The following SH3BP2 variants were observed in gnomAD, a reference collection of about 807,000 sequenced individuals.
SH3BP2 encodes SH3 domain-binding protein 2.
In SH3BP2, 38 loss-of-function variants were observed where a neutral mutation model predicts 56.2. The ratio of observed to expected loss-of-function variants is 0.68; its 90% CI spans 0.52 to 0.89. The LOEUF (loss-of-function observed/expected upper bound fraction) is 0.89. SH3BP2 is among the 40% of genes least tolerant of loss of function. The probability of loss-of-function intolerance (pLI) is 0.00; values close to 1 mark genes in which losing one functional copy is unlikely to be tolerated. For synonymous variants in SH3BP2, 346 were observed against 316.7 expected (o/e 1.09, Z -0.98); for missense variants, 748 against 762.6 (o/e 0.98, Z 0.23).
rs1018774300 is a variant in SH3BP2 at position 2,836,719 on chromosome 4, G to C, written c.*2885G>C. Reference sequence around the variant, plus strand: ...TCAACCAAGGGGGCCACAGCACTGGGGAGTGAAACTGCCCCGCCTCACCCT... The same window carrying C: ...TCAACCAAGGGGGCCACAGCACTGGCGAGTGAAACTGCCCCGCCTCACCCT... On this transcript the variant is annotated 3_prime_UTR_variant, in exon 13 of 13. Transcript: ENST00000503393. The C allele has an allele frequency of 2.0e-5, 3 of 152,320 alleles. No individual in the cohort carries two copies. Among genetic ancestry groups the C allele is most frequent in the South Asian group, 4.1e-4 (2 of 4,836 alleles). The allele number at this position is 152,320 out of a possible 1,614,324, so 9.4% of individuals were successfully genotyped here.
chr4:2,823,443 G>A (rs1263439467), intron 3 of SH3BP2: 3 of 459,844 alleles, frequency 6.5e-6, no homozygotes, highest in African/African-American at 6.0e-5. Context: ...CAGAGGCTGG[G>A]CCCTAGGATT....
In SH3BP2 at chr4:2,797,836, T is replaced by C. The variant is rs569934664; in HGVS notation, c.-5+4698T>C. The stretch of plus-strand genomic sequence containing the variant: ...GCCGGCTCTCCCAGCCTCCCACTCC[T>C]GGGCAGGGAAGTGGCGCGGGCAACG... On this transcript the variant is annotated intron_variant, in intron 1 of 12. Coordinates refer to ENST00000503393, the MANE Select transcript of SH3BP2 (RefSeq NM_001122681.2). Among the ~76,000 whole-genome samples the C allele has an allele frequency of 1.1e-4, 17 of 152,290 alleles. No homozygotes were observed. The East Asian group carries it at 3.3e-3, about 29-fold the overall frequency.
rs137947663 is a variant in SH3BP2 at position 2,831,660 on chromosome 4, C to T, written c.1331C>T (p.Ser444Leu). The T allele has an allele frequency of 3.6e-5, 57 of 1,589,464 alleles. No individual in the cohort carries two copies. The highest frequency in any genetic ancestry group is 1.8e-4 in the East Asian group (8 of 43,424). ...PSQADTGGDD[S>L]DEDYEKVPLP... is the part of the protein sequence containing the mutation. ...CAGGCTGACACTGGCGGGGACGACTCGGACGAGGACTATGAGAAGGCAAGG... is the reference window on the plus strand; with the variant it reads ...CAGGCTGACACTGGCGGGGACGACTTGGACGAGGACTATGAGAAGGCAAGG... The change falls in exon 9 of 13, where the codon TCG (serine) becomes TTG (leucine). Residue 444 changes from serine to leucine, a missense_variant. Transcript: ENST00000503393. This position sits in a 1 kb window ranked among gnomAD's most constrained non-coding sequence, Gnocchi z 4.1.
intron 1 of SH3BP2, among the ~76,000 whole-genome samples, chr4:2,804,075 G>A (rs987240936): frequency 2.6e-5 from 4 of 152,126 alleles, no homozygotes; most frequent in Non-Finnish European, 4.4e-5. Flanking sequence ...GACTCCAGCC[G>A]AGCCCACTGA....
intron 1 of SH3BP2, chr4:2,812,193 A>C: frequency 6.9e-7 from 1 of 1,448,426 alleles, no homozygotes; most frequent in Non-Finnish European, 9.1e-7. Flanking sequence ...AGGACCTCAC[A>C]GGGTAGAAGG....
In SH3BP2 at chr4:2,820,720, A is replaced by G; in HGVS notation, c.103A>G (p.Lys35Glu). 6.2e-7 allele frequency: 1 copy of G among 1,613,994 alleles called. No individual in the cohort carries two copies. The highest frequency in any genetic ancestry group is 8.5e-7 in the Non-Finnish European group (1 of 1,179,894). The change falls in exon 2 of 13, where the codon AAG (lysine) becomes GAG (glutamate). Residue 35 changes from lysine (K) to glutamate (E), a missense_variant. Lys to Glu is a moderately conservative substitution (Grantham distance 56). Transcript: ENST00000503393. ...GGVAKAGYLH[K>E]KGGTQLQLLK... Reference sequence around the variant, plus strand: ...CGTGGCCAAGGCTGGCTACCTGCACAAGAAGGGCGGTACCCAGCTGCAGCT... The same window carrying G: ...CGTGGCCAAGGCTGGCTACCTGCACGAGAAGGGCGGTACCCAGCTGCAGCT...
At chr4:2,832,879 C>T (rs959393878) in intron 11 of SH3BP2, 111 bp from the exon 12 acceptor site, 23 of 1,118,744 alleles carry the variant, frequency 2.1e-5, no homozygotes, top group South Asian at 2.0e-4. Flanking sequence ...CCCCCGAGGG[C>T]CACAGGACCC....
rs1017754345 is a variant in SH3BP2 at position 2,838,730 on chromosome 4, C to T, written c.*4896C>T. On this transcript the variant is annotated 3_prime_UTR_variant, in exon 13 of 13. Coordinates refer to ENST00000503393, the MANE Select transcript of SH3BP2 (RefSeq NM_001122681.2). ...TTCTTCCGGTATGGTCCATGGAAGC[C>T]AAAAGATTGGACATGCCTGCTGTAG... 4.6e-5 allele frequency: 7 copies of T among 151,754 alleles called. No individual in the cohort carries two copies. Among genetic ancestry groups the T allele is most frequent in the African/African-American group, 1.7e-4 (7 of 41,150 alleles). The allele number at this position is 151,754 out of a possible 1,614,324, so 9.4% of individuals were successfully genotyped here. A position where few individuals can be genotyped will look rare whatever the true frequency, so the allele number is the denominator to read the frequency against.
chr4:2,832,192 C>T (rs1725023415), intron 10 of SH3BP2, 139 bp from the exon 11 acceptor site: 1 of 990,702 alleles, frequency 1.0e-6, no homozygotes. Context: ...CTGTCAGCCT[C>T]ACGGCAGCCC....
At chr4:2,823,596 G>A (rs1232992881) in intron 3 of SH3BP2, 3 of 451,752 alleles carry the variant, frequency 6.6e-6, no homozygotes, top group African/African-American at 2.0e-5. Context: ...CAGGTGGCAT[G>A]TGGGTGGGGG....
At chr4:2,814,078 G>A (rs2108716498) in intron 1 of SH3BP2, among the ~76,000 whole-genome samples, 1 of 152,342 alleles carries the variant, frequency 6.6e-6, no homozygotes, top group East Asian at 1.9e-4. Flanking sequence ...GGATGATCCT[G>A]CAGGAGCCCA....
chr4:2,811,280 A>T (rs185961032), intron 1 of SH3BP2, among the ~76,000 whole-genome samples: 1 of 152,214 alleles, frequency 6.6e-6, no homozygotes, highest in African/African-American at 2.4e-5. Flanking sequence ...GTTTGTTGGG[A>T]GGCTGATTTC....
chr4:2,826,896 T>G, intron 5 of SH3BP2: 1 of 529,024 alleles, frequency 1.9e-6, no homozygotes, highest in Non-Finnish European at 3.7e-6. Context: ...CGTGTCCCTG[T>G]GTCTTTGTGT....
chr4:2,830,367 TTTTTTTC>T (rs141091816), intron 8 of SH3BP2, among the ~76,000 whole-genome samples: 5,742 of 152,276 alleles, frequency 0.038, 357 homozygotes, highest in African/African-American at 0.13. Flanking sequence ...ATGCTTTGTT[TTTTTTTC>T]TTTTTGAGAC....
intron 8 of SH3BP2, 72 bp downstream of exon 8, chr4:2,830,219 C>A: frequency 7.2e-7 from 1 of 1,396,434 alleles, no homozygotes; most frequent in Non-Finnish European, 9.7e-7. Flanking sequence ...GACGGGCACT[C>A]TGCCCACCTC....
chr4:2,819,019 G>C (rs1724156964), intron 1 of SH3BP2: 1 of 447,512 alleles, frequency 2.2e-6, no homozygotes. Flanking sequence ...CTGCCTCCTG[G>C]AACTCCTGGC....
Position 2,831,571 on chromosome 4 carries a change from G to A in SH3BP2, c.1242G>A (p.Gln414=). The A allele has an allele frequency of 1.9e-6, 3 of 1,576,788 alleles. No individual in the cohort carries two copies. Among genetic ancestry groups the A allele is most frequent in the Non-Finnish European group, 1.7e-6 (2 of 1,160,346 alleles). ...RPEKPQLPHL[Q]RSPPDGQSFR... ...TGCCTTCCTCTCCCTGCCCCTCCAG[G>A]CGATCACCCCCCGATGGGCAGAGTT... Residue 414 remains glutamine (Q), a splice_region_variant and synonymous_variant, in exon 9 of 13, where the codon CAG becomes CAA. Coordinates refer to ENST00000503393, the MANE Select transcript of SH3BP2 (RefSeq NM_001122681.2). The surrounding 1 kb of genome is among the most constrained non-coding windows in gnomAD (Gnocchi z 4.1).
In SH3BP2 at chr4:2,824,709, C is replaced by G. The variant is rs1389711124; in HGVS notation, c.336C>G (p.Ala112=). ...AGCACCGCACGTGGTTCTTCTCGGC[C>G]TCCTCCGAGGAGGAGCGCAAGGTGA... is the stretch of plus-strand genomic sequence containing the variant. ...SKKHRTWFFS[A]SSEEERKSWM... Residue 112 remains alanine, a synonymous_variant, in exon 4 of 13, where the codon GCC becomes GCG. Transcript: ENST00000503393. 1 of 1,613,068 alleles carries G rather than the reference C, an allele frequency of 6.2e-7. No individual in the cohort carries two copies. The highest frequency in any genetic ancestry group is 8.5e-7 in the Non-Finnish European group (1 of 1,179,192).
intron 1 of SH3BP2, chr4:2,812,610 C>G: frequency 8.4e-7 from 1 of 1,196,856 alleles, no homozygotes; most frequent in Non-Finnish European, 1.2e-6. Context: ...AGGAGGTGGC[C>G]CTGAGCCTGC....
Sources: allele counts gnomAD v4.1 joint callset (sites outside exome capture counted in the v4.1 genomes callset), GRCh38; gene constraint gnomAD v4.1.1; non-coding constraint Gnocchi (gnomAD v3.1); transcripts MANE v1.5; gene names NCBI Gene and HGNC (gene_info 2026-07-23, HGNC 2026-07-21).